The following PHF19 variants were observed in gnomAD, a reference collection of about 807,000 sequenced individuals.
PHF19 encodes the protein polycomb like 3.
A neutral mutation model predicts 79.8 loss-of-function variants in PHF19; 21 were observed. The ratio of observed to expected loss-of-function variants is 0.26; its 90% CI spans 0.19 to 0.38. The LOEUF (loss-of-function observed/expected upper bound fraction) is 0.38, where lower values mean the gene tolerates loss of function less well. PHF19 is among the 10% of genes least tolerant of loss of function. The pLI, the probability that PHF19 is intolerant of heterozygous loss-of-function variation, is 1.00. For missense variants in PHF19, 445 were observed against 744.2 expected (o/e 0.60, Z 4.68); for synonymous variants, 273 against 296.3 (o/e 0.92, Z 0.81).
intron 14 of PHF19, among the ~76,000 whole-genome samples, chr9:120,858,815 A>T (rs1006129898): frequency 7.6e-6 from 1 of 130,822 alleles, no homozygotes; most frequent in Non-Finnish European, 1.6e-5. Flanking sequence ...CAGACATCAC[A>T]CACACACACA....
intron 1 of PHF19, among the ~76,000 whole-genome samples, chr9:120,885,763 T>C (rs2046254684): frequency 6.6e-6 from 1 of 152,202 alleles, no homozygotes; most frequent in South Asian, 2.1e-4. Context: ...TTGAGTTTTT[T>C]AATTGCCAAA....
In PHF19 at chr9:120,874,111, A is replaced by C. The variant is rs1554820006; in HGVS notation, c.187-51T>G. 1 of 946,194 alleles carries C rather than the reference A, an allele frequency of 1.1e-6. No homozygotes were observed. Among genetic ancestry groups the C allele is most frequent in the Non-Finnish European group, 1.7e-6 (1 of 587,136 alleles). 58.6% of individuals were successfully genotyped at this position (946,194 alleles called of 1,614,324 possible). Reference sequence around the variant, plus strand: ...GTGAGAAAGGGCTGGGGAAAAGCCAACCTGGAACATAGTCTTCCTCCCCCA... The same window carrying C: ...GTGAGAAAGGGCTGGGGAAAAGCCACCCTGGAACATAGTCTTCCTCCCCCA... On this transcript the variant is annotated intron_variant, in intron 2 of 14. Coordinates refer to ENST00000373896, the MANE Select transcript of PHF19 (RefSeq NM_015651.3). This position sits in a 1 kb window ranked among gnomAD's most constrained non-coding sequence, Gnocchi z 4.5.
In PHF19 at chr9:120,866,905, G is replaced by T. The variant is rs1200708555; in HGVS notation, c.675C>A (p.Thr225=). ...ACATCATGGGCTCATTGAGGCACTG[G>T]GTGCAGGCCTCGTGGAACCACTGCC... ...RCRQWFHEAC[T]QCLNEPMMFG... is the part of the protein sequence containing the mutation. The change falls in exon 7 of 15, where the codon ACC becomes ACA. Residue 225 remains threonine (T), a synonymous_variant. Coordinates refer to ENST00000373896, the MANE Select transcript of PHF19 (RefSeq NM_015651.3). This position sits in a 1 kb window ranked among gnomAD's most constrained non-coding sequence, Gnocchi z 5.2. 6.2e-7 allele frequency: 1 copy of T among 1,611,650 alleles called. No homozygotes were observed. The highest frequency in any genetic ancestry group is 8.5e-7 in the Non-Finnish European group (1 of 1,177,758).
intron 1 of PHF19, chr9:120,894,775 C>T: frequency 8.2e-7 from 1 of 1,226,432 alleles, no homozygotes; most frequent in Non-Finnish European, 1.0e-6. Context: ...TCTTGTCGAT[C>T]TCCCGGACCC....
At chr9:120,896,839 T>A (rs569381011), upstream of PHF19, among the ~76,000 whole-genome samples, 1 of 152,340 alleles carries the variant, frequency 6.6e-6, no homozygotes, top group South Asian at 2.1e-4. Flanking sequence ...CATCTACTTA[T>A]CCACCTCCTT....
rs1414357042 is a variant in PHF19 at position 120,874,682 on chromosome 9, G to A, written c.60C>T (p.Leu20=). ...TRDSYGATSH[L]PNKGALAKVK... The stretch of plus-strand genomic sequence containing the variant: ...CCTTCGCCAGGGCCCCCTTGTTGGG[G>A]AGGTGGCTGGTGGCACCATAGGAGT... Residue 20 remains leucine, a synonymous_variant, in exon 2 of 15, where the codon CTC becomes CTT. Transcript: ENST00000373896. This position sits in a 1 kb window ranked among gnomAD's most constrained non-coding sequence, Gnocchi z 4.5. 1 of 1,613,690 alleles carries A rather than the reference G, an allele frequency of 6.2e-7. No individual in the cohort carries two copies. Among genetic ancestry groups the A allele is most frequent in the African/African-American group, 1.3e-5 (1 of 74,920 alleles).
upstream of PHF19, among the ~76,000 whole-genome samples, chr9:120,897,354 A>T (rs893421822): frequency 1.3e-5 from 2 of 152,168 alleles, no homozygotes. Context: ...GTGGGGATGC[A>T]CCACCAGGAC....
chr9:120,877,501 C>A (rs544075681), upstream of PHF19, among the ~76,000 whole-genome samples: 6 of 151,328 alleles, frequency 4.0e-5, no homozygotes, highest in Admixed American at 2.0e-4. Flanking sequence ...CCGGGCCCCC[C>A]GCCGAGGAGC....
chr9:120,904,037 T>C, the PHF19 span: 3 of 152,292 alleles, frequency 2.0e-5, no homozygotes, highest in South Asian at 6.2e-4. Flanking sequence ...ATCAGTCTGC[T>C]GAAAGAAGTG....
In PHF19 at chr9:120,891,634, A is replaced by C. The variant is rs748032529; in HGVS notation, c.42+3154T>G. On this transcript the variant is annotated intron_variant, in intron 1 of 14. Transcript: ENST00000616568. The surrounding 1 kb of genome is among the most constrained non-coding windows in gnomAD (Gnocchi z 4.3). ...CACTCCAGGCACCTCGGGGAGTATAACCTTGAACTCGGAACCCCACTATAT... is the reference window on the plus strand; with the variant it reads ...CACTCCAGGCACCTCGGGGAGTATACCCTTGAACTCGGAACCCCACTATAT... Among the ~76,000 whole-genome samples, 21 of 152,288 alleles carry C rather than the reference A, an allele frequency of 1.4e-4. No homozygotes were observed. The highest frequency in any genetic ancestry group is 2.8e-4 in the Non-Finnish European group (19 of 68,028).
upstream of PHF19, among the ~76,000 whole-genome samples, chr9:120,898,562 T>C (rs569005839): frequency 2.6e-5 from 4 of 152,358 alleles, no homozygotes; most frequent in South Asian, 2.1e-4. Context: ...AACAAATTAA[T>C]GTGCAGTCTG....
At chr9:120,878,379 G>T (rs1162353684), upstream of PHF19, among the ~76,000 whole-genome samples, 1 of 152,138 alleles carries the variant, frequency 6.6e-6, no homozygotes, top group African/African-American at 2.4e-5. Context: ...GGGAAGGGAG[G>T]AAGAACACTT....
At chr9:120,897,016 T>C (rs748883643), upstream of PHF19, among the ~76,000 whole-genome samples, 1 of 152,256 alleles carries the variant, frequency 6.6e-6, no homozygotes, top group Non-Finnish European at 1.5e-5. Flanking sequence ...CCAGGCTAGA[T>C]GACTTGCTTT....
chr9:120,869,111 A>G lies in PHF19; in HGVS notation c.614+71T>C, dbSNP rs542604719. ...GGCTGACACGCCAGGCTCGCTCCCT[A>G]TGGGCGGTCCCTGCTGGCGATTCTT... On this transcript the variant is annotated intron_variant, in intron 6 of 14. Transcript: ENST00000373896. The surrounding 1 kb of genome is among the most constrained non-coding windows in gnomAD (Gnocchi z 5.8). 2.6e-4 allele frequency: 390 copies of G among 1,484,034 alleles called. No individual in the cohort carries two copies. The highest frequency in any genetic ancestry group is 3.4e-4 in the Non-Finnish European group (372 of 1,104,306). The allele number at this position is 1,484,034 out of a possible 1,614,324, so 91.9% of individuals were successfully genotyped here.
chr9:120,859,420 A>T (rs1313507299), intron 14 of PHF19, among the ~76,000 whole-genome samples: 1 of 151,948 alleles, frequency 6.6e-6, no homozygotes, highest in Non-Finnish European at 1.5e-5. Flanking sequence ...GTGCCTGGCC[A>T]GGCATTATAC....
intron 1 of PHF19, among the ~76,000 whole-genome samples, chr9:120,885,350 C>T (rs376685232): frequency 1.8e-4 from 28 of 151,882 alleles, no homozygotes; most frequent in African/African-American, 6.3e-4. Flanking sequence ...GAGGCCGAGG[C>T]GGGCAGATCA....
chr9:120,859,809 C>G (rs934109733), intron 14 of PHF19, among the ~76,000 whole-genome samples: 1 of 152,180 alleles, frequency 6.6e-6, no homozygotes, highest in Admixed American at 6.5e-5. Flanking sequence ...GAACTGGAAT[C>G]GTCCAGTGAG....
Position 120,860,968 on chromosome 9 carries a change from G to A in PHF19, c.1304+121C>T. On this transcript the variant is annotated intron_variant, in intron 13 of 14. Transcript: ENST00000373896. The surrounding 1 kb of genome is among the most constrained non-coding windows in gnomAD (Gnocchi z 4.1). ...GGGATGTTATGCTGAAAGCTCTACTGCAAAAAGCCCCTTCAGACAGACCTG... is the reference window on the plus strand; with the variant it reads ...GGGATGTTATGCTGAAAGCTCTACTACAAAAAGCCCCTTCAGACAGACCTG... 1.4e-6 allele frequency: 1 copy of A among 699,412 alleles called. No individual in the cohort carries two copies. The highest frequency in any genetic ancestry group is 2.6e-6 in the Non-Finnish European group (1 of 380,288). 43.3% of individuals were successfully genotyped at this position (699,412 alleles called of 1,614,324 possible).
At chr9:120,903,185 G>C in the PHF19 span, 1 of 152,282 alleles carries the variant, frequency 6.6e-6, no homozygotes, top group Non-Finnish European at 1.5e-5. Flanking sequence ...AGTCTCCGCT[G>C]CCACGCTGTC....
Sources: allele counts gnomAD v4.1 joint callset (sites outside exome capture counted in the v4.1 genomes callset), GRCh38; gene constraint gnomAD v4.1.1; non-coding constraint Gnocchi (gnomAD v3.1); transcripts MANE v1.5; gene names NCBI Gene and HGNC (gene_info 2026-07-23, HGNC 2026-07-21).